The following RIN2 variants were observed in gnomAD, a reference collection of about 807,000 sequenced individuals.
RIN2 encodes the protein RAB5 interacting protein 2.
A neutral mutation model predicts 78.0 loss-of-function variants in RIN2; 36 were observed. That is an observed-to-expected ratio of 0.46 (90% CI 0.35 to 0.61). The LOEUF (loss-of-function observed/expected upper bound fraction) is 0.61. Ranked by LOEUF, RIN2 falls within the 20% of genes least tolerant of loss-of-function variation. The pLI is 0.00. For missense variants in RIN2, 1,087 were observed against 1,159.7 expected (o/e 0.94, Z 0.91); for synonymous variants, 466 against 466.8 (o/e 1.00, Z 0.02).
chr20:19,835,291 G>A (rs905869820), intron 2 of RIN2, among the ~76,000 whole-genome samples: 2 of 151,980 alleles, frequency 1.3e-5, no homozygotes, highest in Non-Finnish European at 2.9e-5. Context: ...ATACATATGT[G>A]GGTGTGTGGT....
chr20:19,789,827 T>A (rs917120600), intron 1 of RIN2, among the ~76,000 whole-genome samples: 5 of 152,208 alleles, frequency 3.3e-5, no homozygotes, highest in African/African-American at 1.2e-4. Context: ...CAGAGATTCC[T>A]CACCTCGAGT....
chr20:19,892,504 C>T (rs532473252), intron 3 of RIN2, among the ~76,000 whole-genome samples: 7 of 152,318 alleles, frequency 4.6e-5, no homozygotes, highest in Non-Finnish European at 7.3e-5. Flanking sequence ...TGAGCCACCA[C>T]GCCCAGCCTT....
chr20:19,940,266 C>T (rs748512263), intron 4 of RIN2, among the ~76,000 whole-genome samples: 7 of 152,154 alleles, frequency 4.6e-5, no homozygotes, highest in African/African-American at 7.2e-5. Flanking sequence ...GCATAGAGCA[C>T]GCACTCGCAA....
At chr20:19,987,038 G>A (rs2042643673) in intron 9 of RIN2, among the ~76,000 whole-genome samples, 2 of 152,196 alleles carry the variant, frequency 1.3e-5, no homozygotes, top group Admixed American at 6.5e-5. Context: ...ACGAAATGCT[G>A]TAGGAGATAC....
chr20:19,927,961 G>A (rs541300947), intron 3 of RIN2, among the ~76,000 whole-genome samples: 9 of 152,250 alleles, frequency 5.9e-5, no homozygotes, highest in South Asian at 4.2e-4. Flanking sequence ...GGAGTGCAGT[G>A]GTATGACCTC....
chr20:19,825,217 T>C (rs766567385), intron 2 of RIN2, among the ~76,000 whole-genome samples: 1 of 152,204 alleles, frequency 6.6e-6, no homozygotes, highest in African/African-American at 2.4e-5. Context: ...CCAATATGCC[T>C]TGTGTAGTTA....
At chr20:19,979,391 A>G (rs2042376831) in intron 9 of RIN2, among the ~76,000 whole-genome samples, 1 of 152,230 alleles carries the variant, frequency 6.6e-6, no homozygotes, top group Non-Finnish European at 1.5e-5. Context: ...TTCTCCAAAG[A>G]GCAATTTAAC....
intron 4 of RIN2, among the ~76,000 whole-genome samples, chr20:19,944,591 C>T (rs2041010730): frequency 6.6e-6 from 1 of 152,226 alleles, no homozygotes; most frequent in South Asian, 2.1e-4. Context: ...AAGACAACAG[C>T]CTGGAAAAAG....
intron 11 of RIN2, among the ~76,000 whole-genome samples, chr20:19,994,882 A>G (rs749625642): frequency 6.6e-6 from 1 of 152,156 alleles, no homozygotes; most frequent in African/African-American, 2.4e-5. Flanking sequence ...AGGTCTGGAA[A>G]ACCCTTCAGA....
intron 3 of RIN2, among the ~76,000 whole-genome samples, chr20:19,933,799 A>G (rs559467668): frequency 3.3e-5 from 5 of 151,992 alleles, no homozygotes; most frequent in Admixed American, 3.3e-4. Context: ...ATGCTCTTTA[A>G]AATTATTATT....
chr20:19,906,134 A>T (rs2039210203), intron 3 of RIN2, among the ~76,000 whole-genome samples: 1 of 152,214 alleles, frequency 6.6e-6, no homozygotes, highest in Admixed American at 6.5e-5. Flanking sequence ...TACTTGCCTC[A>T]TACATACAGG....
chr20:19,764,525 C>T (rs1364313321), intron 1 of RIN2, among the ~76,000 whole-genome samples: 2 of 152,234 alleles, frequency 1.3e-5, no homozygotes, highest in Non-Finnish European at 2.9e-5. Flanking sequence ...GCTATCCAGA[C>T]TTTCCTTGCT....
In RIN2 at chr20:19,858,125, T is replaced by TAA. The variant is rs370595938; in HGVS notation, c.-36-31433_-36-31432dup. Among the ~76,000 whole-genome samples the TAA allele has an allele frequency of 1.5e-4, 22 of 151,408 alleles. No individual in the cohort carries two copies. In the South Asian group the frequency reaches 4.4e-3, roughly 30 times the overall value. ...TCCCTTTTTATGGTCTGTCTTTTTT[T>TAA]AAAAAAAAATATTAAGATGGCTTGA... On this transcript the variant is annotated intron_variant, in intron 2 of 12. Transcript: ENST00000255006.
At chr20:19,899,024 C>T (rs969179010) in intron 3 of RIN2, among the ~76,000 whole-genome samples, 14 of 152,120 alleles carry the variant, frequency 9.2e-5, no homozygotes, top group African/African-American at 3.4e-4. Context: ...TCAGAAAAAA[C>T]ACGCCCCACC....
At chr20:19,866,659 G>C (rs1443938097) in intron 2 of RIN2, among the ~76,000 whole-genome samples, 1 of 152,048 alleles carries the variant, frequency 6.6e-6, no homozygotes, top group Admixed American at 6.6e-5. Context: ...GAGTCTTCCT[G>C]TGTCACCCAG....
intron 2 of RIN2, chr20:19,886,526 AGT>A: frequency 1.8e-6 from 1 of 564,768 alleles, no homozygotes; most frequent in South Asian, 2.6e-5. Flanking sequence ...ACATTCTTTC[AGT>A]GGTGTTGTTG....
At chr20:19,868,787 A>C (rs1345113195) in intron 2 of RIN2, among the ~76,000 whole-genome samples, 1 of 152,136 alleles carries the variant, frequency 6.6e-6, no homozygotes, top group Non-Finnish European at 1.5e-5. Flanking sequence ...GAGGGATAAA[A>C]AGGTGTTCAC....
At chr20:19,795,915 T>C (rs1298463538) in intron 1 of RIN2, among the ~76,000 whole-genome samples, 1 of 151,886 alleles carries the variant, frequency 6.6e-6, no homozygotes, top group East Asian at 1.9e-4. Flanking sequence ...ATAGACAAAA[T>C]GGCACATGAA....
At chr20:19,963,896 C>G (rs602970) in intron 6 of RIN2, among the ~76,000 whole-genome samples, 16 of 105,472 alleles carry the variant, frequency 1.5e-4, no homozygotes, top group Admixed American at 5.8e-4. Flanking sequence ...CAGAGTCTTT[C>G]TCTGTCACCC....
Sources: gnomAD v4.1 joint callset for allele counts (sites outside exome capture counted in the v4.1 genomes callset) on GRCh38, gnomAD v4.1.1 for gene constraint, MANE v1.5 for transcripts, NCBI Gene and HGNC (gene_info 2026-07-23, HGNC 2026-07-21) for gene names.